SORCS3: variants seen among roughly 807,000 people sequenced by gnomAD.
The protein encoded by SORCS3 is sortilin related VPS10 domain containing receptor 3, also known as VPS10 domain-containing receptor SorCS3.
SORCS3 carries 57 observed loss-of-function variants against 146.3 expected under a neutral mutation model. That is an observed-to-expected ratio of 0.39 (90% CI 0.31 to 0.49). The LOEUF is 0.49. SORCS3 is among the 20% of genes least tolerant of loss of function. The pLI is 0.92. For synonymous variants in SORCS3, 653 were observed against 618.5 expected (o/e 1.06, Z -0.83); for missense variants, 1,341 against 1,575.5 (o/e 0.85, Z 2.52).
intron 1 of SORCS3, among the ~76,000 whole-genome samples, chr10:104,839,338 A>G (rs1229854030): frequency 6.6e-6 from 1 of 152,154 alleles, no homozygotes; most frequent in Non-Finnish European, 1.5e-5. Context: ...CTGGGAGGCC[A>G]CCTGAAAGGG....
At chr10:105,245,447 T>C (rs2056860065) in intron 20 of SORCS3, 95 bp from the exon 21 acceptor site, 6 of 1,464,612 alleles carry the variant, frequency 4.1e-6, no homozygotes, top group Non-Finnish European at 5.6e-6. Context: ...TGTTTTTCTT[T>C]TCCAAGTTAG....
intron 1 of SORCS3, among the ~76,000 whole-genome samples, chr10:104,791,359 C>G (rs534490138): frequency 1.3e-5 from 2 of 152,298 alleles, no homozygotes; most frequent in African/African-American, 4.8e-5. Flanking sequence ...AACAGCCTTT[C>G]CTTTTCCTGG....
chr10:105,136,606 G>T (rs1589650615), intron 7 of SORCS3, among the ~76,000 whole-genome samples: 1 of 152,182 alleles, frequency 6.6e-6, no homozygotes, highest in East Asian at 1.9e-4. Flanking sequence ...AAAGAACAAA[G>T]TTCAGTAATT....
chr10:104,911,129 G>A lies in SORCS3; in HGVS notation c.696-4704G>A, dbSNP rs189499680. On this transcript the variant is annotated intron_variant, in intron 2 of 26. Coordinates refer to ENST00000369701, the MANE Select transcript of SORCS3 (RefSeq NM_014978.3). ...AGTTCTGCCAGCATAAATGTCTCTG[G>A]CAATGGGGCTGAGACCTCTCTACCA... Among the ~76,000 whole-genome samples, 104 of 152,346 alleles carry A rather than the reference G, an allele frequency of 6.8e-4. No individual in the cohort carries two copies. In the Middle Eastern group the frequency reaches 0.01, roughly 15 times the overall value.
chr10:104,903,856 A>G (rs1349190945), intron 2 of SORCS3, among the ~76,000 whole-genome samples: 1 of 152,252 alleles, frequency 6.6e-6, no homozygotes, highest in Non-Finnish European at 1.5e-5. Flanking sequence ...ATCTTCTATT[A>G]AACCAGATAT....
At position 104,896,654 on chromosome 10, in the gene SORCS3, G is replaced by T. The variant is rs377400140; in HGVS notation, c.696-19179G>T. 3.3e-5 allele frequency among the ~76,000 whole-genome samples: 5 copies of T among 152,234 alleles called. No homozygotes were observed. The East Asian group carries it at 9.6e-4, about 29-fold the overall frequency. ...CAAATGTAGCCCACTTCTTGTTTATGTACTGCTTATGAGCTAAGAACAGTT... is the reference window on the plus strand; with the variant it reads ...CAAATGTAGCCCACTTCTTGTTTATTTACTGCTTATGAGCTAAGAACAGTT... On this transcript the variant is annotated intron_variant, in intron 2 of 26. Coordinates refer to ENST00000369701, the MANE Select transcript of SORCS3 (RefSeq NM_014978.3).
At chr10:105,000,928 C>T (rs942861946) in intron 4 of SORCS3, among the ~76,000 whole-genome samples, 2 of 152,162 alleles carry the variant, frequency 1.3e-5, no homozygotes, top group Admixed American at 6.6e-5. Flanking sequence ...GGGTCATTAT[C>T]GAGTCAGATA....
intron 1 of SORCS3, among the ~76,000 whole-genome samples, chr10:104,721,509 T>G (rs1022554142): frequency 4.6e-5 from 7 of 151,460 alleles, no homozygotes; most frequent in African/African-American, 1.7e-4. Context: ...TCCAATTCTG[T>G]GAAGAAAGTC....
At chr10:105,095,919 A>G (rs1262858610) in intron 6 of SORCS3, among the ~76,000 whole-genome samples, 1 of 152,142 alleles carries the variant, frequency 6.6e-6, no homozygotes, top group Non-Finnish European at 1.5e-5. Context: ...CATCAATTAA[A>G]TATTGCTCTA....
chr10:104,740,569 C>T (rs1261148798), intron 1 of SORCS3, among the ~76,000 whole-genome samples: 1 of 152,186 alleles, frequency 6.6e-6, no homozygotes, highest in Admixed American at 6.5e-5. Flanking sequence ...TTCCAGATAA[C>T]CTCCATAATG....
At chr10:105,245,451 A>T in intron 20 of SORCS3, 91 bp from the exon 21 acceptor site, 1 of 1,478,762 alleles carries the variant, frequency 6.8e-7, no homozygotes, top group Non-Finnish European at 9.2e-7. Flanking sequence ...TTTCTTTTCC[A>T]AGTTAGGATG....
chr10:105,055,888 T>G (rs1454188971), intron 5 of SORCS3, among the ~76,000 whole-genome samples: 1 of 152,208 alleles, frequency 6.6e-6, no homozygotes, highest in East Asian at 1.9e-4. Flanking sequence ...GTCATCAAAC[T>G]AAAGATTGTG....
At chr10:105,103,690 T>A (rs2055802229) in intron 6 of SORCS3, among the ~76,000 whole-genome samples, 1 of 152,184 alleles carries the variant, frequency 6.6e-6, no homozygotes, top group African/African-American at 2.4e-5. Context: ...GTGCAGATGA[T>A]GACTGTTGAT....
chr10:104,841,590 G>A (rs2018140328), intron 1 of SORCS3, among the ~76,000 whole-genome samples: 1 of 152,158 alleles, frequency 6.6e-6, no homozygotes, highest in South Asian at 2.1e-4. Context: ...TAGAGTGCTG[G>A]ATGAGAATAA....
At chr10:104,873,532 C>CT (rs1441658000) in intron 2 of SORCS3, among the ~76,000 whole-genome samples, 7 of 152,130 alleles carry the variant, frequency 4.6e-5, no homozygotes, top group African/African-American at 1.7e-4. Context: ...TTTCCTTCTC[C>CT]TTTTTTATAG....
At chr10:104,938,298 G>A (rs969641736) in intron 3 of SORCS3, among the ~76,000 whole-genome samples, 7 of 152,256 alleles carry the variant, frequency 4.6e-5, no homozygotes, top group African/African-American at 1.7e-4. Context: ...TTTTCAGGGG[G>A]AAGTGTTATG....
intron 2 of SORCS3, among the ~76,000 whole-genome samples, chr10:104,862,135 A>G (rs960434192): frequency 6.6e-6 from 1 of 152,236 alleles, no homozygotes; most frequent in African/African-American, 2.4e-5. Flanking sequence ...GGGGGTGGAC[A>G]CAATTCAAGT....
At chr10:104,746,286 G>A (rs1029428084) in intron 1 of SORCS3, among the ~76,000 whole-genome samples, 6 of 152,076 alleles carry the variant, frequency 3.9e-5, no homozygotes, top group East Asian at 1.9e-4. Flanking sequence ...ACAGGTGCCC[G>A]CCACTACGCC....
At chr10:105,102,779 C>CAT (rs2055794438) in intron 6 of SORCS3, among the ~76,000 whole-genome samples, 1 of 137,584 alleles carries the variant, frequency 7.3e-6, no homozygotes, top group African/African-American at 2.7e-5. Context: ...TACCTCTCAA[C>CAT]CTTTTTTTTT....
Sources: allele counts gnomAD v4.1 joint callset (sites outside exome capture counted in the v4.1 genomes callset), GRCh38; gene constraint gnomAD v4.1.1; transcripts MANE v1.5; gene names NCBI Gene and HGNC (gene_info 2026-07-23, HGNC 2026-07-21).